The following TNFRSF10D variants were observed in gnomAD, a reference collection of about 807,000 sequenced individuals.
The protein encoded by TNFRSF10D is TNF receptor superfamily member 10d, also known as tumor necrosis factor receptor superfamily member 10D.
A neutral mutation model predicts 42.1 loss-of-function variants in TNFRSF10D; 28 were observed. The observed-to-expected ratio is 0.66, with a 90% CI of 0.49 to 0.91. The LOEUF is 0.91. Ranked by LOEUF, TNFRSF10D falls within the 40% of genes least tolerant of loss-of-function variation. TNFRSF10D has a pLI of 0.00. For missense variants in TNFRSF10D, 503 were observed against 486.1 expected (o/e 1.03, Z -0.33); for synonymous variants, 186 against 189.4 (o/e 0.98, Z 0.15).
At position 23,137,623 on chromosome 8, in the gene TNFRSF10D, A is replaced by G; in HGVS notation, c.*247T>C. 2.3e-6 allele frequency: 1 copy of G among 428,644 alleles called. No individual in the cohort carries two copies. The highest frequency in any genetic ancestry group is 4.1e-6 in the Non-Finnish European group (1 of 246,088). The allele number at this position is 428,644 out of a possible 1,614,324, so 26.6% of individuals were successfully genotyped here. On this transcript the variant is annotated 3_prime_UTR_variant, in exon 9 of 9. Transcript: ENST00000312584. ...TGTGGCCTAAAACGACCCTTAATAC[A>G]CAATCGTATAACTATGCAGCCAAGA...
intron 1 of TNFRSF10D, among the ~76,000 whole-genome samples, chr8:23,156,239 A>G (rs1800278676): frequency 6.6e-6 from 1 of 152,180 alleles, no homozygotes; most frequent in Non-Finnish European, 1.5e-5. Context: ...GGAGTGTGTA[A>G]AAGTACAAAA....
chr8:23,163,147 T>C (rs987605332), intron 1 of TNFRSF10D, among the ~76,000 whole-genome samples: 2 of 130,378 alleles, frequency 1.5e-5, no homozygotes. Flanking sequence ...TTGACCAGGC[T>C]GGAGTGCGAT....
intron 2 of TNFRSF10D, among the ~76,000 whole-genome samples, chr8:23,149,680 C>G (rs1800190351): frequency 6.6e-6 from 1 of 152,026 alleles, no homozygotes; most frequent in Non-Finnish European, 1.5e-5. Flanking sequence ...TGCTCGGTAT[C>G]CCCCAGCGCC....
chr8:23,137,737 G>A lies in TNFRSF10D; in HGVS notation c.*133C>T. ...GCGTTAACAAAGTTCTAGGACCATT[G>A]GTAAGCTGCCCCATATTGGATAGTA... On this transcript the variant is annotated 3_prime_UTR_variant, in exon 9 of 9. Coordinates refer to ENST00000312584, the MANE Select transcript of TNFRSF10D (RefSeq NM_003840.5). 1 of 1,227,216 alleles carries A rather than the reference G, an allele frequency of 8.1e-7. No homozygotes were observed. The highest frequency in any genetic ancestry group is 2.4e-5 in the East Asian group (1 of 42,408). The allele number at this position is 1,227,216 out of a possible 1,614,324, so 76.0% of individuals were successfully genotyped here.
intron 7 of TNFRSF10D, among the ~76,000 whole-genome samples, chr8:23,140,330 G>A (rs898943589): frequency 1.3e-5 from 2 of 150,526 alleles, no homozygotes; most frequent in Non-Finnish European, 3.0e-5. Flanking sequence ...TACCAATAAT[G>A]TTCAGGCTGA....
At chr8:23,139,016 G>A (rs2128835221) in intron 7 of TNFRSF10D, among the ~76,000 whole-genome samples, 2 of 152,244 alleles carry the variant, frequency 1.3e-5, no homozygotes, top group East Asian at 1.9e-4. Flanking sequence ...AAATTAAAAT[G>A]AGGCAAGACT....
intron 5 of TNFRSF10D, among the ~76,000 whole-genome samples, 190 bp downstream of exon 5, chr8:23,145,478 A>T (rs1173503168): frequency 6.6e-6 from 1 of 152,038 alleles, no homozygotes; most frequent in African/African-American, 2.4e-5. Context: ...GCCCTGAGAG[A>T]GGGACTGATG....
In TNFRSF10D at chr8:23,154,898, G is replaced by A; in HGVS notation, c.232C>T (p.Leu78Phe). Residue 78 changes from leucine to phenylalanine, a missense_variant, in exon 2 of 9, where the codon CTC becomes TTC. By Grantham distance (22) the Leu-to-Phe change is conservative (BLOSUM62 0). Coordinates refer to ENST00000312584, the MANE Select transcript of TNFRSF10D (RefSeq NM_003840.5). Reference protein sequence around the residue: ...TVAPQQQRRSLKEEECPAGSH... With the variant: ...TVAPQQQRRSFKEEECPAGSH... ...CCTGCTGGACACTCCTCCTCCTTGA[G>A]GCTGCGCCTCTGTTGCTGTGGGGCC... 1 of 1,613,868 alleles carries A rather than the reference G, an allele frequency of 6.2e-7. No individual in the cohort carries two copies. Among genetic ancestry groups the A allele is most frequent in the Non-Finnish European group, 8.5e-7 (1 of 1,179,858 alleles).
At position 23,145,968 on chromosome 8, in the gene TNFRSF10D, G is replaced by C; in HGVS notation, c.483-47C>G. ...GACAGGGACTCTTGATGGAAAGCTG[G>C]CCAGGTGGGATGAAAGAGGAGCCAC... On this transcript the variant is annotated intron_variant, in intron 4 of 8. Transcript: ENST00000312584. The C allele has an allele frequency of 1.9e-6, 3 of 1,612,836 alleles. No homozygotes were observed. The South Asian group carries it at 3.3e-5, about 18-fold the overall frequency.
At chr8:23,142,832 T>TATGA (rs1800049364) in intron 7 of TNFRSF10D, among the ~76,000 whole-genome samples, 1 of 152,364 alleles carries the variant, frequency 6.6e-6, no homozygotes, top group South Asian at 2.1e-4. Flanking sequence ...CATACGCTTG[T>TATGA]ATGAATATAC....
chr8:23,137,785 A>G lies in TNFRSF10D; in HGVS notation c.*85T>C. The G allele has an allele frequency of 6.6e-7, 1 of 1,524,956 alleles. No individual in the cohort carries two copies. 94.5% of individuals were successfully genotyped at this position (1,524,956 alleles called of 1,614,324 possible). Reference sequence around the variant, plus strand: ...GTAGAGTTTGTTGGGGCATGGGTCAAGTACTGGACTGTTTCTTCCAGGCTG... The same window carrying G: ...GTAGAGTTTGTTGGGGCATGGGTCAGGTACTGGACTGTTTCTTCCAGGCTG... On this transcript the variant is annotated 3_prime_UTR_variant, in exon 9 of 9. Coordinates refer to ENST00000312584, the MANE Select transcript of TNFRSF10D (RefSeq NM_003840.5).
At chr8:23,142,600 G>A (rs116139355) in intron 7 of TNFRSF10D, among the ~76,000 whole-genome samples, 2,801 of 152,204 alleles carry the variant, frequency 0.018, 92 homozygotes, top group African/African-American at 0.063. Flanking sequence ...CTACCAGGGC[G>A]GGGAGGGAGC....
chr8:23,141,986 A>C (rs1036477792), intron 7 of TNFRSF10D, among the ~76,000 whole-genome samples: 2 of 152,126 alleles, frequency 1.3e-5, no homozygotes, highest in Admixed American at 6.6e-5. Flanking sequence ...AAAGAAAACA[A>C]ATCTGCTGGG....
chr8:23,161,677 G>T (rs555391529), intron 1 of TNFRSF10D, among the ~76,000 whole-genome samples: 79 of 152,338 alleles, frequency 5.2e-4, no homozygotes, highest in Middle Eastern at 3.4e-3. Context: ...ATTAAGGAAT[G>T]AAAGTACATA....
In TNFRSF10D at chr8:23,163,873, T is replaced by G; in HGVS notation, c.63A>C (p.Gly21=). The G allele has an allele frequency of 1.9e-6, 3 of 1,602,232 alleles. No individual in the cohort carries two copies. The highest frequency in any genetic ancestry group is 2.6e-6 in the Non-Finnish European group (3 of 1,176,064). ...GTCTGGTTCCCGACGCTGTCCTGGC[T>G]CCTGGATAGCGCCCTGCTCGAGCGC... ...ASSARAGRYP[G]ARTASGTRPW... The change falls in exon 1 of 9, where the codon GGA becomes GGC. Residue 21 remains glycine (G), a synonymous_variant. Transcript: ENST00000312584.
At chr8:23,148,987 G>A (rs564548117) in intron 2 of TNFRSF10D, among the ~76,000 whole-genome samples, 19 of 151,584 alleles carry the variant, frequency 1.3e-4, no homozygotes, top group South Asian at 4.2e-4. Flanking sequence ...TCAGGAGATC[G>A]AGACCATCCT....
chr8:23,148,064 CCCAAAAA>C (rs1457727890), intron 3 of TNFRSF10D, among the ~76,000 whole-genome samples: 19 of 49,210 alleles, frequency 3.9e-4, no homozygotes, highest in South Asian at 1.7e-3. Context: ...GACTCCGTCT[CCCAAAAA>C]AAAAAAAAAA....
chr8:23,157,804 C>T (rs554998674), intron 1 of TNFRSF10D, among the ~76,000 whole-genome samples: 1 of 152,300 alleles, frequency 6.6e-6, no homozygotes, highest in African/African-American at 2.4e-5. Flanking sequence ...AAAATTGTTA[C>T]AGTAGGCAGC....
rs1353001762 is a variant in TNFRSF10D, at chr8:23,145,988, A to T, written c.483-67T>A. 3.7e-6 allele frequency: 6 copies of T among 1,609,200 alleles called. No homozygotes were observed. In the Admixed American group the frequency reaches 8.3e-5, roughly 22 times the overall value. ...AGCTGGCCAGGTGGGATGAAAGAGG[A>T]GCCACCCTCCCTGCCCAAAGTCCCT... On this transcript the variant is annotated intron_variant, in intron 4 of 8. Coordinates refer to ENST00000312584, the MANE Select transcript of TNFRSF10D (RefSeq NM_003840.5).
Sources: allele counts gnomAD v4.1 joint callset (sites outside exome capture counted in the v4.1 genomes callset), GRCh38; gene constraint gnomAD v4.1.1; transcripts MANE v1.5; gene names NCBI Gene and HGNC (gene_info 2026-07-23, HGNC 2026-07-21).